The following STPG4 variants were observed in gnomAD, a reference collection of about 807,000 sequenced individuals.
The protein encoded by STPG4 is protein STPG4.
In STPG4, 41 loss-of-function variants were observed where a neutral mutation model predicts 31.5. The ratio of observed to expected loss-of-function variants is 1.30; its 90% confidence interval spans 1.01 to 1.69. The LOEUF is 1.69. STPG4 is among the 40% of genes most tolerant of loss of function. The pLI is 0.00. For missense variants in STPG4, 375 were observed against 293.4 expected (o/e 1.28, Z -2.03); for synonymous variants, 141 against 103.0 (o/e 1.37, Z -2.24).
chr2:47,116,684 G>A (rs951989987), intron 5 of STPG4, among the ~76,000 whole-genome samples: 1 of 152,086 alleles, frequency 6.6e-6, no homozygotes, highest in Non-Finnish European at 1.5e-5. Flanking sequence ...ATGTTCCTGG[G>A]AGCATGGCGG....
chr2:47,102,139 G>A lies in STPG4; in HGVS notation c.520-11765C>T, dbSNP rs1221563970. ...GTGAGCCCAACTATTCCGATCAGCA[G>A]GGTCCGGGGACCGTTGCAGGTTCTT... On this transcript the variant is annotated intron_variant, in intron 5 of 6. Transcript: ENST00000445927. Among the ~76,000 whole-genome samples the A allele has an allele frequency of 2.9e-5, 4 of 136,154 alleles. 1 individual carries two copies. Among genetic ancestry groups the A allele is most frequent in the African/African-American group, 9.1e-5 (3 of 32,928 alleles). The allele number at this position is 136,154 out of a possible 152,430, so 89.3% of individuals were successfully genotyped here. A position where few individuals can be genotyped will look rare whatever the true frequency, so the allele number is the denominator to read the frequency against.
chr2:47,094,543 T>C (rs532268208), intron 5 of STPG4, among the ~76,000 whole-genome samples: 1 of 152,188 alleles, frequency 6.6e-6, no homozygotes, highest in Non-Finnish European at 1.5e-5. Context: ...AATACTCTCT[T>C]TGGCCTCTGG....
intron 5 of STPG4, among the ~76,000 whole-genome samples, chr2:47,112,361 C>A (rs1686055897): frequency 6.6e-6 from 1 of 151,832 alleles, no homozygotes; most frequent in East Asian, 1.9e-4. Flanking sequence ...AGTAGAGATG[C>A]AGTTTCACCA....
intron 5 of STPG4, among the ~76,000 whole-genome samples, chr2:47,118,330 A>C (rs1686193698): frequency 6.6e-6 from 1 of 152,146 alleles, no homozygotes; most frequent in South Asian, 2.1e-4. Flanking sequence ...TCCTTATGAG[A>C]ATCTAATGCC....
Position 47,151,521 on chromosome 2 carries a change from GA to G in STPG4, c.142-7del. On this transcript the variant is annotated splice_polypyrimidine_tract_variant and splice_region_variant and intron_variant, in intron 2 of 6. Transcript: ENST00000445927. ...GTGCCAGGTATAGGAGTATCCTGTG[GA>G]AAATTGACATCAGTTTTAAGATTGT... 1 of 1,611,704 alleles carries G rather than the reference GA, an allele frequency of 6.2e-7. No individual in the cohort carries two copies. Among genetic ancestry groups the G allele is most frequent in the Non-Finnish European group, 8.5e-7 (1 of 1,178,820 alleles).
rs113641152 is a variant in STPG4 at position 47,111,225 on chromosome 2, G to C, written c.519+18716C>G. Among the ~76,000 whole-genome samples the C allele has an allele frequency of 3.7e-3, 557 of 152,248 alleles. 7 individuals carry two copies. Among genetic ancestry groups the C allele is most frequent in the African/African-American group, 0.012 (519 of 41,534 alleles). On this transcript the variant is annotated intron_variant, in intron 5 of 6. Coordinates refer to ENST00000445927, the MANE Select transcript of STPG4 (RefSeq NM_001163561.2). ...GCCAAGTAGATGTTGGTGGTGGTGGGGAGGGGTGGTCTTTAGAAAAAGAAA... is the reference window on the plus strand; with the variant it reads ...GCCAAGTAGATGTTGGTGGTGGTGGCGAGGGGTGGTCTTTAGAAAAAGAAA...
chr2:47,132,223 T>A (rs763052926), intron 3 of STPG4, among the ~76,000 whole-genome samples: 11 of 148,112 alleles, frequency 7.4e-5, no homozygotes, highest in Non-Finnish European at 1.5e-4. Context: ...GGAAGGAGAA[T>A]GAGAAGCCAG....
intron 5 of STPG4, among the ~76,000 whole-genome samples, chr2:47,123,353 T>G (rs996322854): frequency 2.6e-5 from 4 of 152,188 alleles, no homozygotes; most frequent in African/African-American, 9.7e-5. Context: ...CTCTAGCGAT[T>G]TAATTAATTA....
At chr2:47,142,453 G>A (rs1686733582) in intron 3 of STPG4, among the ~76,000 whole-genome samples, 1 of 151,968 alleles carries the variant, frequency 6.6e-6, no homozygotes, top group African/African-American at 2.4e-5. Flanking sequence ...AAATAAATAA[G>A]AGAATTTTTT....
intron 3 of STPG4, among the ~76,000 whole-genome samples, chr2:47,131,488 C>G (rs532752673): frequency 4.6e-4 from 70 of 152,308 alleles, no homozygotes; most frequent in African/African-American, 1.6e-3. Flanking sequence ...TGAGCCTGCT[C>G]TGGGGTAAAG....
chr2:47,110,741 A>G (rs766029970), intron 5 of STPG4, among the ~76,000 whole-genome samples: 3 of 152,370 alleles, frequency 2.0e-5, no homozygotes, highest in Non-Finnish European at 2.9e-5. Context: ...TTTTTCTGAC[A>G]TTAATCACAA....
At chr2:47,152,379 C>T (rs1686956164) in intron 2 of STPG4, among the ~76,000 whole-genome samples, 1 of 152,162 alleles carries the variant, frequency 6.6e-6, no homozygotes, top group Non-Finnish European at 1.5e-5. Context: ...CTTTTGTGGC[C>T]ATCTTTCCAC....
chr2:47,153,160 A>G, intron 1 of STPG4, 144 bp from the exon 2 acceptor site: 1 of 549,648 alleles, frequency 1.8e-6, no homozygotes, highest in Non-Finnish European at 3.2e-6. Context: ...CATAATAATA[A>G]ATTTGCCCAT....
At chr2:47,110,867 G>T (rs1337517620) in intron 5 of STPG4, among the ~76,000 whole-genome samples, 1 of 151,864 alleles carries the variant, frequency 6.6e-6, no homozygotes, top group Non-Finnish European at 1.5e-5. Context: ...ATATTTTTTG[G>T]GTGGATACAT....
In STPG4 at chr2:47,149,600, T is replaced by C. The variant is rs920096099; in HGVS notation, c.399+1658A>G. ...TGTAAAGTAGTAGAAAGTTTGGATT[T>C]GACATGTGTTCATCCTGCTGAAAAT... On this transcript the variant is annotated intron_variant, in intron 3 of 6. Coordinates refer to ENST00000445927, the MANE Select transcript of STPG4 (RefSeq NM_001163561.2). Among the ~76,000 whole-genome samples the C allele has an allele frequency of 1.1e-4, 16 of 152,370 alleles. 1 individual carries two copies. In the East Asian group the frequency reaches 3.1e-3, roughly 29 times the overall value.
chr2:47,094,419 C>G (rs1373437596), intron 5 of STPG4, among the ~76,000 whole-genome samples: 1 of 152,176 alleles, frequency 6.6e-6, no homozygotes, highest in Non-Finnish European at 1.5e-5. Flanking sequence ...CATCTCAACC[C>G]TCCTGATGAG....
At chr2:47,146,965 C>A (rs892093686) in intron 3 of STPG4, among the ~76,000 whole-genome samples, 2 of 151,794 alleles carry the variant, frequency 1.3e-5, no homozygotes, top group African/African-American at 4.8e-5. Flanking sequence ...AATGAGACCG[C>A]CTCTTCTAAA....
intron 5 of STPG4, among the ~76,000 whole-genome samples, chr2:47,095,075 T>C (rs933121280): frequency 3.9e-5 from 6 of 152,224 alleles, no homozygotes; most frequent in Admixed American, 2.0e-4. Flanking sequence ...TCCCAAGTTG[T>C]TAGGCATCAA....
At chr2:47,097,309 C>G (rs1393144414) in intron 5 of STPG4, among the ~76,000 whole-genome samples, 1 of 152,142 alleles carries the variant, frequency 6.6e-6, no homozygotes, top group Non-Finnish European at 1.5e-5. Flanking sequence ...AAAAAATCAT[C>G]CTTCCCCAGA....
Sources: allele counts gnomAD v4.1 joint callset (sites outside exome capture counted in the v4.1 genomes callset), GRCh38; gene constraint gnomAD v4.1.1; transcripts MANE v1.5; gene names NCBI Gene and HGNC (gene_info 2026-07-23, HGNC 2026-07-21).